OTUD7A: variants seen among roughly 807,000 people sequenced by gnomAD.
The protein encoded by OTUD7A is OTU domain-containing protein 7A.
Under a neutral mutation model 65.7 loss-of-function variants are expected in OTUD7A, and 12 were observed. The observed-to-expected ratio is 0.18, with a 90% CI of 0.12 to 0.30. The LOEUF is 0.30. Ranked by LOEUF, OTUD7A falls within the 10% of genes least tolerant of loss-of-function variation. OTUD7A has a pLI of 1.00. For missense variants in OTUD7A, 1,148 were observed against 1,304.8 expected (o/e 0.88, Z 1.85); for synonymous variants, 641 against 586.3 (o/e 1.09, Z -1.35).
chr15:31,629,082 A>C (rs55827810), intron 3 of OTUD7A, among the ~76,000 whole-genome samples: 4,787 of 151,956 alleles, frequency 0.032, 246 homozygotes, highest in African/African-American at 0.11. Context: ...AATACCCTTT[A>C]TTTCCTTCTC....
chr15:31,527,964 G>A (rs907830875), intron 6 of OTUD7A, among the ~76,000 whole-genome samples: 2 of 152,256 alleles, frequency 1.3e-5, no homozygotes, highest in African/African-American at 2.4e-5. Flanking sequence ...CATGGGAGAA[G>A]TGCTCAAGAG....
chr15:31,844,321 A>G (rs554902963), intron 1 of OTUD7A, among the ~76,000 whole-genome samples: 3 of 152,348 alleles, frequency 2.0e-5, no homozygotes, highest in African/African-American at 7.2e-5. Flanking sequence ...CCTGACCAGC[A>G]TAGTGAAACC....
intron 1 of OTUD7A, among the ~76,000 whole-genome samples, chr15:31,716,667 G>T (rs1473125860): frequency 7.2e-6 from 1 of 139,688 alleles, no homozygotes; most frequent in African/African-American, 2.5e-5. Context: ...GGGGAATGCT[G>T]CATGGAACCT....
intron 1 of OTUD7A, among the ~76,000 whole-genome samples, chr15:31,660,430 T>C (rs897090309): frequency 1.3e-5 from 2 of 152,208 alleles, no homozygotes; most frequent in African/African-American, 4.8e-5. Context: ...CTTCACGGTT[T>C]AGATGAAAAT....
At chr15:31,840,793 T>C (rs1005599390) in intron 1 of OTUD7A, among the ~76,000 whole-genome samples, 8 of 152,072 alleles carry the variant, frequency 5.3e-5, no homozygotes, top group Non-Finnish European at 1.0e-4. Context: ...ATTACGAGAG[T>C]TTCCTAAAAT....
chr15:31,611,847 A>C (rs1477635724), intron 3 of OTUD7A, among the ~76,000 whole-genome samples: 1 of 152,186 alleles, frequency 6.6e-6, no homozygotes, highest in Non-Finnish European at 1.5e-5. Context: ...ACATAACCAA[A>C]AAAGAAAAAC....
At chr15:31,540,649 C>T (rs749853965) in intron 5 of OTUD7A, among the ~76,000 whole-genome samples, 11 of 152,048 alleles carry the variant, frequency 7.2e-5, no homozygotes, top group Admixed American at 2.0e-4. Flanking sequence ...TAAGATAGGG[C>T]GTGGCATATA....
intron 3 of OTUD7A, among the ~76,000 whole-genome samples, chr15:31,635,262 G>A (rs1891304018): frequency 1.3e-5 from 2 of 152,120 alleles, no homozygotes; most frequent in Admixed American, 1.3e-4. Context: ...AGGAAAACCT[G>A]GTACTAAATA....
intron 5 of OTUD7A, among the ~76,000 whole-genome samples, chr15:31,540,219 A>G (rs1489018524): frequency 6.6e-6 from 1 of 152,222 alleles, no homozygotes; most frequent in African/African-American, 2.4e-5. Context: ...AGCAAGCAGC[A>G]TTGAAAAATC....
intron 4 of OTUD7A, among the ~76,000 whole-genome samples, chr15:31,568,302 A>AATG (rs1390067224): frequency 2.0e-5 from 3 of 152,238 alleles, no homozygotes; most frequent in Admixed American, 2.0e-4. Context: ...AAAGGAGATT[A>AATG]TTTTGGAACT....
intron 1 of OTUD7A, among the ~76,000 whole-genome samples, chr15:31,812,463 G>A (rs961313238): frequency 2.0e-5 from 3 of 152,150 alleles, no homozygotes; most frequent in African/African-American, 7.2e-5. Flanking sequence ...AAGAGCCTTG[G>A]GAGAAATTTC....
chr15:31,663,845 C>A (rs1358561883), intron 1 of OTUD7A, among the ~76,000 whole-genome samples: 9 of 152,060 alleles, frequency 5.9e-5, no homozygotes, highest in Non-Finnish European at 7.4e-5. Context: ...CCCCCCAAGT[C>A]CCCAAAGTCC....
rs952008228 is a variant in OTUD7A at position 31,484,779 on chromosome 15, G to A, written c.1372-55C>T. 4.0e-5 allele frequency: 62 copies of A among 1,555,678 alleles called. No individual in the cohort carries two copies. Among genetic ancestry groups the A allele is most frequent in the Middle Eastern group, 1.7e-4 (1 of 5,940 alleles). On this transcript the variant is annotated intron_variant, in intron 12 of 12. Transcript: ENST00000307050. This position sits in a 1 kb window ranked among gnomAD's most constrained non-coding sequence, Gnocchi z 4.5. ...GTGGTTAGAGAAGAGCTGTCCACGC[G>A]CCAGCGAGGAAGACACACCTTGCCC...
At chr15:31,586,657 G>A (rs1889547371) in intron 3 of OTUD7A, among the ~76,000 whole-genome samples, 1 of 152,046 alleles carries the variant, frequency 6.6e-6, no homozygotes, top group Admixed American at 6.5e-5. Context: ...CAACACGATT[G>A]GCCCACTCTC....
intron 1 of OTUD7A, among the ~76,000 whole-genome samples, chr15:31,729,592 TACCTGG>T (rs1893986070): frequency 1.3e-5 from 2 of 152,320 alleles, no homozygotes; most frequent in East Asian, 3.9e-4. Context: ...TTCCATGTGG[TACCTGG>T]GAAATAATAT....
chr15:31,808,829 G>T (rs1234008810), intron 1 of OTUD7A, among the ~76,000 whole-genome samples: 1 of 152,234 alleles, frequency 6.6e-6, no homozygotes, highest in Non-Finnish European at 1.5e-5. Flanking sequence ...GCCTGGAGTA[G>T]GGAGCTACAG....
chr15:31,831,860 C>T (rs759439171), intron 1 of OTUD7A, among the ~76,000 whole-genome samples: 14 of 152,216 alleles, frequency 9.2e-5, no homozygotes, highest in Admixed American at 6.5e-4. Context: ...AGGGGCGTTC[C>T]GCCGAGCAAT....
intron 3 of OTUD7A, among the ~76,000 whole-genome samples, chr15:31,622,775 T>C (rs915546395): frequency 2.4e-4 from 37 of 152,368 alleles, no homozygotes; most frequent in African/African-American, 8.4e-4. Context: ...GTCAAAGTCA[T>C]TCTCCGTCCA....
intron 1 of OTUD7A, among the ~76,000 whole-genome samples, chr15:31,686,583 C>T (rs912103557): frequency 4.6e-5 from 7 of 152,114 alleles, no homozygotes; most frequent in Admixed American, 1.3e-4. Context: ...ATCCAGAGGA[C>T]GAGGAGACAA....
Sources: gnomAD v4.1 joint callset for allele counts (sites outside exome capture counted in the v4.1 genomes callset) on GRCh38, gnomAD v4.1.1 for gene constraint, Gnocchi (gnomAD v3.1) non-coding constraint, MANE v1.5 for transcripts, NCBI Gene and HGNC (gene_info 2026-07-23, HGNC 2026-07-21) for gene names.